Variants in PCDH15 observed in about 807,000 individuals in gnomAD.
PCDH15 encodes protocadherin related 15.
A neutral mutation model predicts 178.5 loss-of-function variants in PCDH15; 129 were observed. That is an observed-to-expected ratio of 0.72 (90% CI 0.63 to 0.84). PCDH15 has a LOEUF of 0.84. PCDH15 is among the 40% of genes least tolerant of loss of function. PCDH15 has a pLI of 0.00. For missense variants in PCDH15, 2,230 were observed against 2,099.9 expected, an observed-to-expected ratio of 1.06 and a Z score of -1.21; for synonymous variants, 800 against 732.0, an observed-to-expected ratio of 1.09 and a Z score of -1.50.
intron 1 of PCDH15, among the ~76,000 whole-genome samples, chr10:54,733,625 A>G (rs1171988055): frequency 6.6e-6 from 1 of 151,680 alleles, no homozygotes; most frequent in Non-Finnish European, 1.5e-5. Context: ...ATAGAAAAGG[A>G]AAATAATTAT....
At chr10:54,936,705 A>G (rs1591794227) in intron 2 of PCDH15, among the ~76,000 whole-genome samples, 1 of 147,228 alleles carries the variant, frequency 6.8e-6, no homozygotes. Context: ...ACTTTTTTGC[A>G]CATTTTTATT....
At chr10:54,524,853 A>G (rs1318645886) in intron 3 of PCDH15, among the ~76,000 whole-genome samples, 1 of 152,184 alleles carries the variant, frequency 6.6e-6, no homozygotes, top group Non-Finnish European at 1.5e-5. Flanking sequence ...TGATGAAAAT[A>G]ATCTCTTGTT....
chr10:55,436,983 A>G (rs967949134), intron 2 of PCDH15, among the ~76,000 whole-genome samples: 1 of 152,214 alleles, frequency 6.6e-6, no homozygotes, highest in Non-Finnish European at 1.5e-5. Context: ...GATATTTTAC[A>G]CATCCAATTT....
intron 2 of PCDH15, among the ~76,000 whole-genome samples, chr10:55,046,462 T>C (rs1301116774): frequency 3.9e-5 from 6 of 151,998 alleles, no homozygotes; most frequent in Non-Finnish European, 5.9e-5. Flanking sequence ...ATACATTTTG[T>C]AGAAACTGAC....
intron 2 of PCDH15, among the ~76,000 whole-genome samples, chr10:55,056,998 C>T (rs1399565054): frequency 6.6e-6 from 1 of 152,048 alleles, no homozygotes; most frequent in East Asian, 1.9e-4. Context: ...TTCAGCATAG[C>T]ATCCCCTATA....
At chr10:54,550,436 T>C (rs896698038) in intron 2 of PCDH15, among the ~76,000 whole-genome samples, 1 of 152,122 alleles carries the variant, frequency 6.6e-6, no homozygotes, top group Non-Finnish European at 1.5e-5. Context: ...GCCATTATTT[T>C]CTTGAGCCAG....
intron 2 of PCDH15, among the ~76,000 whole-genome samples, chr10:55,557,473 C>G (rs1047028698): frequency 7.2e-5 from 11 of 151,988 alleles, no homozygotes; most frequent in African/African-American, 2.7e-4. Flanking sequence ...CCATTATAAG[C>G]CAGAAGTGAT....
At chr10:55,266,061 A>G (rs1330346114) in intron 1 of PCDH15, among the ~76,000 whole-genome samples, 1 of 152,168 alleles carries the variant, frequency 6.6e-6, no homozygotes, top group East Asian at 1.9e-4. Context: ...AAGGTTTAAT[A>G]CCTTTCACCA....
At chr10:55,171,180 C>T (rs979283281) in intron 1 of PCDH15, among the ~76,000 whole-genome samples, 3 of 152,140 alleles carry the variant, frequency 2.0e-5, no homozygotes, top group African/African-American at 4.8e-5. Context: ...GTCTACTACC[C>T]TCCAGCTTTT....
At chr10:55,051,118 A>T (rs1302063390) in intron 2 of PCDH15, among the ~76,000 whole-genome samples, 3 of 152,088 alleles carry the variant, frequency 2.0e-5, no homozygotes, top group Non-Finnish European at 4.4e-5. Flanking sequence ...TCTTTGGTAT[A>T]GTCTCAATTC....
intron 18 of PCDH15, among the ~76,000 whole-genome samples, chr10:54,031,011 T>C (rs1258199413): frequency 2.0e-5 from 3 of 151,956 alleles, no homozygotes; most frequent in African/African-American, 4.8e-5. Context: ...AAAAAAGACA[T>C]GAGATAGCCA....
chr10:55,385,185 G>C (rs1003346268), intron 2 of PCDH15, among the ~76,000 whole-genome samples: 1 of 152,008 alleles, frequency 6.6e-6, no homozygotes, highest in Non-Finnish European at 1.5e-5. Context: ...AAACAATGTC[G>C]TATATGTAAA....
intron 2 of PCDH15, among the ~76,000 whole-genome samples, chr10:55,122,980 TA>T (rs1279924909): frequency 1.3e-5 from 2 of 151,804 alleles, no homozygotes; most frequent in Non-Finnish European, 2.9e-5. Context: ...AAAAGTGAAA[TA>T]AAATAATTTA....
intron 2 of PCDH15, among the ~76,000 whole-genome samples, chr10:54,643,176 T>C (rs1428232625): frequency 6.6e-6 from 1 of 152,138 alleles, no homozygotes; most frequent in African/African-American, 2.4e-5. Context: ...CTGCCCACCT[T>C]GGCCTCCCAA....
intron 25 of PCDH15, among the ~76,000 whole-genome samples, chr10:53,913,061 C>A (rs901568775): frequency 6.6e-6 from 1 of 152,150 alleles, no homozygotes; most frequent in Non-Finnish European, 1.5e-5. Context: ...GCTACAGTAA[C>A]CAAAACAGCA....
intron 2 of PCDH15, among the ~76,000 whole-genome samples, chr10:55,094,656 G>A (rs1842403783): frequency 6.6e-6 from 1 of 152,010 alleles, no homozygotes; most frequent in South Asian, 2.1e-4. Context: ...TTGCCAAACT[G>A]TATCATACGT....
At chr10:54,458,281 C>T (rs1158217562) in intron 3 of PCDH15, among the ~76,000 whole-genome samples, 1 of 149,468 alleles carries the variant, frequency 6.7e-6, no homozygotes, top group Admixed American at 6.6e-5. Context: ...ATTCACACTA[C>T]CGTAAGAATT....
At chr10:55,374,083 G>GTAT (rs1845564988) in intron 2 of PCDH15, among the ~76,000 whole-genome samples, 1 of 95,734 alleles carries the variant, frequency 1.0e-5, no homozygotes, top group African/African-American at 4.5e-5. Flanking sequence ...AGAACTTAAA[G>GTAT]TATAATAATA....
intron 2 of PCDH15, among the ~76,000 whole-genome samples, chr10:54,990,273 C>G (rs1839468326): frequency 6.6e-6 from 1 of 152,124 alleles, no homozygotes; most frequent in Admixed American, 6.6e-5. Context: ...TCAGCATTTC[C>G]CATGATTACT....
Sources: allele counts gnomAD v4.1 joint callset (sites outside exome capture counted in the v4.1 genomes callset), GRCh38; gene constraint gnomAD v4.1.1; transcripts MANE v1.5; gene names NCBI Gene and HGNC (gene_info 2026-07-23, HGNC 2026-07-21).